Variants in ESYT2 observed in about 807,000 individuals in gnomAD.
The protein encoded by ESYT2 is extended synaptotagmin-2.
Under a neutral mutation model 107.2 loss-of-function variants are expected in ESYT2, and 54 were observed. The observed-to-expected ratio is 0.50, with a 90% confidence interval of 0.40 to 0.63. The LOEUF (loss-of-function observed/expected upper bound fraction) is 0.63. Among genes scored for constraint, ESYT2 ranks in the 30% least tolerant of loss-of-function variants. The pLI is 0.00. For synonymous variants in ESYT2, 491 were observed against 434.1 expected, an observed-to-expected ratio of 1.13 and a Z score of -1.63; for missense variants, 1,020 against 1,094.5, an observed-to-expected ratio of 0.93 and a Z score of 0.96.
intron 18 of ESYT2, among the ~76,000 whole-genome samples, chr7:158,740,154 A>G (rs544733045): frequency 6.6e-6 from 1 of 152,214 alleles, no homozygotes; most frequent in Non-Finnish European, 1.5e-5. Context: ...TCCTGATGGC[A>G]GACCCTGACC....
intron 7 of ESYT2, among the ~76,000 whole-genome samples, chr7:158,768,301 TTC>T (rs1489786609): frequency 1.3e-5 from 2 of 152,254 alleles, no homozygotes; most frequent in Non-Finnish European, 2.9e-5. Flanking sequence ...ACTTACTTTG[TTC>T]TCTCTTATCC....
intron 9 of ESYT2, 69 bp from the exon 10 acceptor site, chr7:158,763,234 T>A: frequency 1.9e-6 from 2 of 1,047,580 alleles, no homozygotes; most frequent in Non-Finnish European, 2.8e-6. Flanking sequence ...TATGATATGA[T>A]GATTGTAGTA....
At chr7:158,820,963 G>A (rs190270975) in intron 1 of ESYT2, among the ~76,000 whole-genome samples, 1 of 152,264 alleles carries the variant, frequency 6.6e-6, no homozygotes, top group Non-Finnish European at 1.5e-5. Flanking sequence ...CATAGCAAAT[G>A]CCTAATAAAT....
chr7:158,772,913 G>C (rs1228321216), intron 7 of ESYT2, among the ~76,000 whole-genome samples: 1 of 143,030 alleles, frequency 7.0e-6, no homozygotes, highest in African/African-American at 2.6e-5. Flanking sequence ...AAAAAAGGCA[G>C]AAAGGGTGGG....
intron 22 of ESYT2, 66 bp downstream of exon 22, chr7:158,734,356 C>G (rs888609321): frequency 7.4e-6 from 12 of 1,611,610 alleles, no homozygotes; most frequent in Non-Finnish European, 7.6e-6. Flanking sequence ...GGGACACTAC[C>G]CACTGGGCGG....
chr7:158,740,138 A>G (rs1408239502), intron 18 of ESYT2, among the ~76,000 whole-genome samples: 1 of 152,092 alleles, frequency 6.6e-6, no homozygotes, highest in African/African-American at 2.4e-5. Context: ...TGATTTCACA[A>G]CTTCCTCCTG....
chr7:158,817,594 A>G (rs1382577895), intron 1 of ESYT2, among the ~76,000 whole-genome samples: 1 of 152,206 alleles, frequency 6.6e-6, no homozygotes, highest in East Asian at 1.9e-4. Context: ...CAGGTGTCCA[A>G]CCTTTCTGAA....
chr7:158,742,807 C>A (rs889007659), intron 17 of ESYT2, among the ~76,000 whole-genome samples: 1 of 152,170 alleles, frequency 6.6e-6, no homozygotes, highest in Admixed American at 6.5e-5. Context: ...TTTGTATCAC[C>A]AAAACAAAAG....
At chr7:158,793,432 A>ACTT (rs34009295) in intron 4 of ESYT2, among the ~76,000 whole-genome samples, 19,355 of 152,074 alleles carry the variant, frequency 0.13, 1,378 homozygotes, top group African/African-American at 0.2. Flanking sequence ...AGTGTCTTTA[A>ACTT]CTTCTTATTT....
intron 19 of ESYT2, 66 bp downstream of exon 19, chr7:158,738,957 A>G (rs745428962): frequency 6.8e-6 from 10 of 1,461,120 alleles, no homozygotes; most frequent in African/African-American, 1.4e-5. Context: ...GGCGGTGTCT[A>G]CATCATCCTA....
chr7:158,810,372 C>T (rs1839959535), intron 1 of ESYT2, among the ~76,000 whole-genome samples: 1 of 152,164 alleles, frequency 6.6e-6, no homozygotes, highest in African/African-American at 2.4e-5. Context: ...ATATATGTTA[C>T]ACTATCTAGT....
chr7:158,793,055 A>G (rs894217693), intron 4 of ESYT2, among the ~76,000 whole-genome samples: 2 of 151,208 alleles, frequency 1.3e-5, no homozygotes, highest in Admixed American at 6.6e-5. Context: ...GGCATGAGCC[A>G]CCACGCCCGG....
chr7:158,777,683 G>C (rs1411970038), intron 6 of ESYT2, among the ~76,000 whole-genome samples: 4 of 152,110 alleles, frequency 2.6e-5, no homozygotes, highest in Admixed American at 6.5e-5. Context: ...GTCTCAGGTA[G>C]TATCTTTATA....
intron 1 of ESYT2, among the ~76,000 whole-genome samples, chr7:158,818,889 G>A (rs1385089998): frequency 6.6e-6 from 1 of 152,198 alleles, no homozygotes; most frequent in East Asian, 1.9e-4. Context: ...CCAGAGGCCG[G>A]TGGCCACACC....
chr7:158,778,245 TA>T (rs1291254565), intron 6 of ESYT2, among the ~76,000 whole-genome samples: 2 of 152,222 alleles, frequency 1.3e-5, no homozygotes, highest in Non-Finnish European at 2.9e-5. Flanking sequence ...CAACATGGAA[TA>T]CCTGAAATTC....
Position 158,763,066 on chromosome 7 carries a change from C to A in ESYT2, c.1184+17G>T. 6.2e-7 allele frequency: 1 copy of A among 1,602,416 alleles called. No individual in the cohort carries two copies. ...ACCCCATGCCCTCCTCCAATAACCA[C>A]AATGGGCTTTATTTACCTTCCTAAA... On this transcript the variant is annotated intron_variant, in intron 10 of 22. Coordinates refer to ENST00000275418, the MANE Select transcript of ESYT2 (RefSeq NM_001367773.1).
intron 10 of ESYT2, 97 bp from the exon 11 acceptor site, chr7:158,761,641 C>T (rs1424329165): frequency 9.0e-7 from 1 of 1,116,782 alleles, no homozygotes; most frequent in African/African-American, 1.6e-5. Flanking sequence ...CCTGAAACAA[C>T]CTTAAGCATT....
intron 6 of ESYT2, among the ~76,000 whole-genome samples, chr7:158,777,728 T>A (rs535394176): frequency 6.6e-6 from 1 of 152,188 alleles, no homozygotes; most frequent in Non-Finnish European, 1.5e-5. Context: ...CAGTCTCAGG[T>A]AGAATCTTTA....
chr7:158,749,842 G>T, intron 14 of ESYT2, 119 bp from the exon 15 acceptor site: 2 of 830,554 alleles, frequency 2.4e-6, no homozygotes, highest in Non-Finnish European at 3.7e-6. Flanking sequence ...TGATATTTAA[G>T]GGAATATCTG....
Sources: allele counts gnomAD v4.1 joint callset (sites outside exome capture counted in the v4.1 genomes callset), GRCh38; gene constraint gnomAD v4.1.1; transcripts MANE v1.5; gene names NCBI Gene and HGNC (gene_info 2026-07-23, HGNC 2026-07-21).